The following POFUT3 variants were observed in gnomAD, a reference collection of about 807,000 sequenced individuals.
POFUT3 encodes protein O-fucosyltransferase 3.
the POFUT3 span, among the ~76,000 whole-genome samples, chr8:33,425,843 T>G: frequency 6.6e-6 from 1 of 151,436 alleles, no homozygotes; most frequent in African/African-American, 2.4e-5. Context: ...CAAGAATCAC[T>G]TGAATGCAGG....
chr8:33,458,541 C>CCCA, the POFUT3 span, among the ~76,000 whole-genome samples: 1 of 151,862 alleles, frequency 6.6e-6, no homozygotes, highest in Non-Finnish European at 1.5e-5. Context: ...ATGGTAAAAC[C>CCCA]CCATCTCTAC....
the POFUT3 span, chr8:33,461,494 A>T: frequency 2.5e-5 from 40 of 1,612,848 alleles, no homozygotes; most frequent in Non-Finnish European, 3.4e-5. Context: ...TAACCTGGTT[A>T]CCAGGTGTTC....
chr8:33,417,434 G>A, the POFUT3 span, among the ~76,000 whole-genome samples: 11 of 152,236 alleles, frequency 7.2e-5, no homozygotes, highest in Non-Finnish European at 1.6e-4. Flanking sequence ...AAAAATTGTT[G>A]TTGGTGAAAC....
the POFUT3 span, among the ~76,000 whole-genome samples, chr8:33,378,985 T>C: frequency 1.3e-5 from 2 of 152,026 alleles, no homozygotes; most frequent in Admixed American, 6.6e-5. Context: ...TGGGAAGTGA[T>C]TGGATCATGG....
chr8:33,463,694 G>T, the POFUT3 span, among the ~76,000 whole-genome samples: 1 of 152,030 alleles, frequency 6.6e-6, no homozygotes, highest in Non-Finnish European at 1.5e-5. Context: ...AATGGCATGT[G>T]CCACCACACC....
At chr8:33,427,421 T>G in the POFUT3 span, among the ~76,000 whole-genome samples, 7 of 151,734 alleles carry the variant, frequency 4.6e-5, no homozygotes, top group Admixed American at 4.6e-4. Flanking sequence ...CTACTAAAAA[T>G]GCAAAAAATT....
chr8:33,336,195 C>T, the POFUT3 span, among the ~76,000 whole-genome samples: 1 of 152,126 alleles, frequency 6.6e-6, no homozygotes, highest in Non-Finnish European at 1.5e-5. Context: ...TAAATCCTGC[C>T]CTGCTTTGTA....
chr8:33,387,677 G>A, the POFUT3 span, among the ~76,000 whole-genome samples: 2 of 152,114 alleles, frequency 1.3e-5, no homozygotes, highest in Non-Finnish European at 2.9e-5. Flanking sequence ...GGTGACTTAT[G>A]CCTGTAGTCC....
the POFUT3 span, chr8:33,389,264 A>T: frequency 6.2e-7 from 1 of 1,614,180 alleles, no homozygotes; most frequent in Non-Finnish European, 8.5e-7. Context: ...TCCGTAATAT[A>T]CAGGGACTAC....
chr8:33,316,017 G>A, the POFUT3 span, among the ~76,000 whole-genome samples: 2 of 152,076 alleles, frequency 1.3e-5, no homozygotes, highest in Non-Finnish European at 2.9e-5. Context: ...TATCTTTGCT[G>A]CCAAATGTCA....
chr8:33,350,752 G>GA, the POFUT3 span, among the ~76,000 whole-genome samples: 1 of 152,018 alleles, frequency 6.6e-6, no homozygotes. Flanking sequence ...GCTTTGAAGA[G>GA]AAAAAAATGT....
At chr8:33,413,269 C>T in the POFUT3 span, among the ~76,000 whole-genome samples, 45,826 of 151,766 alleles carry the variant, frequency 0.3, 7,002 homozygotes, top group South Asian at 0.43. Flanking sequence ...GAGGTCATGA[C>T]ACTGGAGCCC....
At chr8:33,447,985 C>T in the POFUT3 span, among the ~76,000 whole-genome samples, 1 of 152,106 alleles carries the variant, frequency 6.6e-6, no homozygotes, top group African/African-American at 2.4e-5. Flanking sequence ...AAAAACCAGG[C>T]ACCTTAGGCA....
the POFUT3 span, among the ~76,000 whole-genome samples, chr8:33,347,903 T>C: frequency 1.3e-5 from 2 of 151,916 alleles, no homozygotes; most frequent in African/African-American, 4.8e-5. Context: ...AGTGGCCAGG[T>C]GTGGTGGCTC....
the POFUT3 span, chr8:33,436,402 T>C: frequency 1.4e-6 from 2 of 1,419,612 alleles, no homozygotes; most frequent in Non-Finnish European, 2.0e-6. Flanking sequence ...TGGACCATAC[T>C]CCTCAAACTT....
At chr8:33,436,300 T>C in the POFUT3 span, 1 of 1,343,758 alleles carries the variant, frequency 7.4e-7, no homozygotes, top group Non-Finnish European at 1.1e-6. Flanking sequence ...AACTCTGTGT[T>C]ATCAAGGCCC....
At chr8:33,453,283 A>G in the POFUT3 span, 1 of 1,614,218 alleles carries the variant, frequency 6.2e-7, no homozygotes, top group Non-Finnish European at 8.5e-7. Context: ...AGAAACAAGC[A>G]TCTGCTCCAC....
At chr8:33,461,559 A>T in the POFUT3 span, 1 of 1,572,762 alleles carries the variant, frequency 6.4e-7, no homozygotes, top group Non-Finnish European at 8.6e-7. Flanking sequence ...TCTGGGCGCC[A>T]ATTTCCTGCA....
chr8:33,382,547 A>G, the POFUT3 span, among the ~76,000 whole-genome samples: 1 of 152,154 alleles, frequency 6.6e-6, no homozygotes, highest in Admixed American at 6.5e-5. Flanking sequence ...CAGAAAAGCA[A>G]CTCAACGTTC....
Sources: allele counts gnomAD v4.1 joint callset (sites outside exome capture counted in the v4.1 genomes callset), GRCh38; gene constraint gnomAD v4.1.1; transcripts MANE v1.5; gene names NCBI Gene and HGNC (gene_info 2026-07-23, HGNC 2026-07-21).